APOO: variants seen among roughly 807,000 people sequenced by gnomAD.
The protein encoded by APOO is MICOS complex subunit MIC26.
Under a neutral mutation model 23.1 loss-of-function variants are expected in APOO, and 11 were observed. That is an observed-to-expected ratio of 0.48 (90% confidence interval 0.30 to 0.79). The LOEUF (loss-of-function observed/expected upper bound fraction) is 0.79. APOO is among the 30% of genes least tolerant of loss of function. The pLI, the probability that APOO is intolerant of heterozygous loss-of-function variation, is 0.07. For synonymous variants in APOO, 59 were observed against 54.8 expected, an observed-to-expected ratio of 1.08 and a Z score of -0.34; for missense variants, 160 against 142.7, an observed-to-expected ratio of 1.12 and a Z score of -0.62.
At chrX:23,884,696 T>C (rs1321086360) in intron 1 of APOO, among the ~76,000 whole-genome samples, 2 of 110,434 alleles carry the variant, frequency 1.8e-5, no homozygotes, top group East Asian at 2.9e-4. Context: ...TTAGGAGGAG[T>C]AGTTCAAGAG....
chrX:23,881,277 G>A (rs1397735316), intron 1 of APOO, among the ~76,000 whole-genome samples: 1 of 109,640 alleles, frequency 9.1e-6, no homozygotes, highest in Admixed American at 9.9e-5. Context: ...GATTTGCCAT[G>A]TTGGCCAGGC....
At chrX:23,899,372 TG>T (rs1189323150) in intron 1 of APOO, among the ~76,000 whole-genome samples, 2 of 112,423 alleles carry the variant, frequency 1.8e-5, no homozygotes, top group East Asian at 5.5e-4. Context: ...CAAGTTTTAG[TG>T]AACACTGAAA....
At chrX:23,859,662 C>T (rs966554777) in intron 5 of APOO, among the ~76,000 whole-genome samples, 1 of 111,076 alleles carries the variant, frequency 9.0e-6, no homozygotes, top group Non-Finnish European at 1.9e-5. Flanking sequence ...AGGCTGGTCT[C>T]GAACTCCTGA....
rs754478339 is a variant in APOO, at chrX:23,874,444, T to G, written c.251A>C (p.Gln84Pro). Residue 84 changes from glutamine (Q) to proline (P), a missense_variant, in exon 4 of 9, where the codon CAA (glutamine) becomes CCA (proline). Coordinates refer to ENST00000379226, the MANE Select transcript of APOO (RefSeq NM_024122.5). ...YTTWCQETYS[Q>P]TKPKMQSLVQ... is the part of the protein sequence containing the mutation. ...CAAACTTTGCATCTTGGGCTTAGTT[T>G]GGGAGTACGTTTCCTAAAAAGGTAA... 8.3e-7 allele frequency: 1 copy of G among 1,209,937 alleles called. No individual in the cohort carries two copies.
chrX:23,840,926 A>G (rs1257017387), intron 7 of APOO: 5 of 112,218 alleles, frequency 4.5e-5, no homozygotes, highest in Non-Finnish European at 7.5e-5. Context: ...CTCCGGGAAC[A>G]TATAATTAGG....
chrX:23,904,724 T>G (rs1927280511), intron 1 of APOO, among the ~76,000 whole-genome samples: 1 of 110,237 alleles, frequency 9.1e-6, no homozygotes, highest in Admixed American at 9.7e-5. Flanking sequence ...GCCAGGATGG[T>G]CTCGATCTCC....
At chrX:23,852,219 T>C (rs1358224847) in intron 7 of APOO, among the ~76,000 whole-genome samples, 6 of 109,519 alleles carry the variant, frequency 5.5e-5, no homozygotes, top group African/African-American at 2.0e-4. Flanking sequence ...CCACCACACC[T>C]GGCCAGCACC....
At chrX:23,875,095 CA>C (rs201895113) in intron 3 of APOO, among the ~76,000 whole-genome samples, 1,274 of 110,461 alleles carry the variant, frequency 0.012, 13 homozygotes, top group Non-Finnish European at 0.019. Flanking sequence ...ACTAAAAATA[CA>C]AAAATTAGCC....
At position 23,863,734 on chromosome X, in the gene APOO, G is replaced by T. The variant is rs370129913; in HGVS notation, c.388+4859C>A. Among the ~76,000 whole-genome samples, 3 of 110,964 alleles carry T rather than the reference G, an allele frequency of 2.7e-5. No individual in the cohort carries two copies. In the South Asian group the frequency reaches 1.1e-3, roughly 42 times the overall value. On this transcript the variant is annotated intron_variant, in intron 5 of 8. Transcript: ENST00000379226. ...CCAGGAAAAGGGGGCTTAAACCCAA[G>T]AAAGTGTGAAGAAGACCAGTCCCAA... is the stretch of plus-strand genomic sequence containing the variant.
At chrX:23,838,559 G>A (rs983856501) in intron 8 of APOO, among the ~76,000 whole-genome samples, 17 of 105,772 alleles carry the variant, frequency 1.6e-4, no homozygotes, top group African/African-American at 5.8e-4. Context: ...TGGGATTACA[G>A]GCAACTACCA....
At chrX:23,903,820 A>G (rs1927236475) in intron 1 of APOO, among the ~76,000 whole-genome samples, 1 of 111,609 alleles carries the variant, frequency 9.0e-6, no homozygotes, top group Admixed American at 9.5e-5. Flanking sequence ...CTGGTCTACA[A>G]TCTCTCGCAC....
chrX:23,889,818 C>CA (rs1926561288), intron 1 of APOO, among the ~76,000 whole-genome samples: 1 of 109,788 alleles, frequency 9.1e-6, no homozygotes, highest in Admixed American at 9.8e-5. Flanking sequence ...CCAGCCACCA[C>CA]GCCTGGCTAA....
chrX:23,851,739 T>C (rs950168317), intron 7 of APOO, among the ~76,000 whole-genome samples: 2 of 112,017 alleles, frequency 1.8e-5, no homozygotes, highest in Admixed American at 9.6e-5. Context: ...CACTACTTTA[T>C]TGGTAGAAGA....
At chrX:23,891,376 G>A (rs1434480920) in intron 1 of APOO, among the ~76,000 whole-genome samples, 2 of 111,074 alleles carry the variant, frequency 1.8e-5, no homozygotes, top group African/African-American at 3.3e-5. Flanking sequence ...ACAGGCGCCC[G>A]CCACCACGCT....
intron 7 of APOO, among the ~76,000 whole-genome samples, chrX:23,851,349 T>C (rs1426378507): frequency 1.8e-5 from 2 of 111,045 alleles, no homozygotes; most frequent in East Asian, 2.8e-4. Context: ...CCTGCCACCA[T>C]GCCTGGCTAA....
At chrX:23,858,872 G>C in intron 5 of APOO, 139 bp from the exon 6 acceptor site, 1 of 486,499 alleles carries the variant, frequency 2.1e-6, no homozygotes. Flanking sequence ...AGGCCGAGGC[G>C]GGAGGATCAC....
chrX:23,897,362 T>A (rs920446353), intron 1 of APOO, among the ~76,000 whole-genome samples: 1 of 112,242 alleles, frequency 8.9e-6, no homozygotes, highest in Non-Finnish European at 1.9e-5. Context: ...TAATTGTTCA[T>A]TTAGGCAGGT....
intron 1 of APOO, among the ~76,000 whole-genome samples, chrX:23,905,409 C>CAATAAT (rs996659160): frequency 9.2e-6 from 1 of 108,823 alleles, no homozygotes; most frequent in Non-Finnish European, 1.9e-5. Context: ...ATAATGATAA[C>CAATAAT]AATAATAATA....
At chrX:23,861,406 C>T (rs1925020533) in intron 5 of APOO, among the ~76,000 whole-genome samples, 1 of 109,627 alleles carries the variant, frequency 9.1e-6, no homozygotes, top group African/African-American at 3.3e-5. Flanking sequence ...CAAGGCCTCA[C>T]CAGAAGCCGA....
Sources: allele counts gnomAD v4.1 joint callset (sites outside exome capture counted in the v4.1 genomes callset), GRCh38; gene constraint gnomAD v4.1.1; transcripts MANE v1.5; gene names NCBI Gene and HGNC (gene_info 2026-07-23, HGNC 2026-07-21).